FIG4: variants seen among roughly 807,000 people sequenced by gnomAD.
The protein encoded by FIG4 is polyphosphoinositide phosphatase.
Under a neutral mutation model 118.6 loss-of-function variants are expected in FIG4, and 112 were observed. The observed-to-expected ratio is 0.94, with a 90% CI of 0.81 to 1.11. FIG4 has a LOEUF of 1.11. Among genes scored for constraint, FIG4 ranks in the 50% least tolerant of loss-of-function variants. The probability of loss-of-function intolerance (pLI) is 0.00; values close to 1 mark genes in which losing one functional copy is unlikely to be tolerated. For synonymous variants in FIG4, 369 were observed against 381.2 expected (o/e 0.97, Z 0.37); for missense variants, 969 against 1,111.7 (o/e 0.87, Z 1.83).
intron 15 of FIG4, among the ~76,000 whole-genome samples, chr6:109,771,349 A>G (rs1225427285): frequency 1.3e-5 from 2 of 151,010 alleles, no homozygotes; most frequent in Admixed American, 6.6e-5. Context: ...CAAAATGACT[A>G]TTTCATAACT....
chr6:109,749,418 G>A (rs980983071), intron 10 of FIG4, among the ~76,000 whole-genome samples: 1 of 151,816 alleles, frequency 6.6e-6, no homozygotes, highest in African/African-American at 2.4e-5. Context: ...TTTAAAATAT[G>A]AAAACTTTAG....
At chr6:109,750,696 G>C (rs1343892995) in intron 10 of FIG4, among the ~76,000 whole-genome samples, 1 of 152,096 alleles carries the variant, frequency 6.6e-6, no homozygotes, top group Non-Finnish European at 1.5e-5. Context: ...TCCTTTACTT[G>C]TTAGGGGTCT....
rs1231141797 is a variant in FIG4 at position 109,691,428 on chromosome 6, C to T, written c.-8C>T. 1.9e-6 allele frequency: 3 copies of T among 1,573,108 alleles called. No individual in the cohort carries two copies. Among genetic ancestry groups the T allele is most frequent in the South Asian group, 1.2e-5 (1 of 85,780 alleles). The stretch of plus-strand genomic sequence containing the variant: ...TGCCCTGTTGTGGGGCCCCCATTTG[C>T]CGCCGCCATGCCCACGGCCGCCGCC... On this transcript the variant is annotated 5_prime_UTR_variant, in exon 1 of 23. Coordinates refer to ENST00000230124, the MANE Select transcript of FIG4 (RefSeq NM_014845.6).
Position 109,815,131 on chromosome 6 carries a change from T to G in FIG4, c.2547-9957T>G, listed in dbSNP as rs180778748. On this transcript the variant is annotated intron_variant, in intron 22 of 22. Transcript: ENST00000230124. ...GTTTATTCTAGCCTTCTCCAACAGT[T>G]AGGAAACTGGACTCCCATTACCCTC... Among the ~76,000 whole-genome samples the G allele has an allele frequency of 1.9e-3, 295 of 152,280 alleles. 1 individual carries two copies. The highest frequency in any genetic ancestry group is 6.9e-3 in the African/African-American group (285 of 41,550).
chr6:109,812,612 T>C lies in FIG4; in HGVS notation c.2547-12476T>C, dbSNP rs966193937. On this transcript the variant is annotated intron_variant, in intron 22 of 22. Transcript: ENST00000230124. ...GGCAGCAGTGTTGAATACAGAAAAA[T>C]GATTATTGGTTTAGGCAACAGGAAG... 1.9e-4 allele frequency among the ~76,000 whole-genome samples: 29 copies of C among 151,802 alleles called. 1 individual carries two copies. The highest frequency in any genetic ancestry group is 6.8e-4 in the African/African-American group (28 of 41,300).
intron 15 of FIG4, among the ~76,000 whole-genome samples, chr6:109,770,198 C>T (rs1033508846): frequency 3.9e-5 from 6 of 152,030 alleles, no homozygotes; most frequent in Non-Finnish European, 7.4e-5. Flanking sequence ...TTTTAATTCC[C>T]TTAAGGGCCT....
chr6:109,806,902 A>G (rs1005104299), intron 22 of FIG4, among the ~76,000 whole-genome samples: 2 of 152,100 alleles, frequency 1.3e-5, no homozygotes, highest in African/African-American at 4.8e-5. Flanking sequence ...GATTGTTTCC[A>G]GCATCATCCA....
intron 16 of FIG4, among the ~76,000 whole-genome samples, chr6:109,783,600 A>C (rs1777870258): frequency 6.6e-6 from 1 of 152,248 alleles, no homozygotes; most frequent in African/African-American, 2.4e-5. Flanking sequence ...AGTGTCTGAC[A>C]CATAGCAGGT....
chr6:109,746,439 G>A (rs189364385), intron 10 of FIG4, among the ~76,000 whole-genome samples: 25 of 152,104 alleles, frequency 1.6e-4, no homozygotes, highest in Non-Finnish European at 2.8e-4. Flanking sequence ...TGAAGGAAGA[G>A]GCATTAACCA....
At chr6:109,739,537 G>T (rs1357227003) in intron 7 of FIG4, among the ~76,000 whole-genome samples, 1 of 152,002 alleles carries the variant, frequency 6.6e-6, no homozygotes, top group Non-Finnish European at 1.5e-5. Flanking sequence ...ACATTTAAAA[G>T]AACCAAAAAA....
At chr6:109,694,279 TTC>T (rs1465293512) in intron 1 of FIG4, among the ~76,000 whole-genome samples, 1 of 152,150 alleles carries the variant, frequency 6.6e-6, no homozygotes, top group Non-Finnish European at 1.5e-5. Flanking sequence ...AAGCTTAGCG[TTC>T]CAATAACGGA....
At position 109,741,536 on chromosome 6, in the gene FIG4, A is replaced by G; in HGVS notation, c.868A>G (p.Asn290Asp). 1 of 1,600,696 alleles carries G rather than the reference A, an allele frequency of 6.2e-7. No homozygotes were observed. Among genetic ancestry groups the G allele is most frequent in the South Asian group, 1.1e-5 (1 of 90,838 alleles). ...AGTRFLKRGA[N>D]CEGDVANEVE... The stretch of plus-strand genomic sequence containing the variant: ...CACCCGTTTTCTTAAAAGAGGTGCA[A>G]ACTGTGAGGTAAGATGACAAACAGT... Residue 290 changes from asparagine (N) to aspartate (D), a missense_variant, in exon 8 of 23, where the codon AAC (asparagine) becomes GAC (aspartate). Asn to Asp is a conservative substitution (Grantham distance 23). Transcript: ENST00000230124.
intron 4 of FIG4, among the ~76,000 whole-genome samples, 186 bp from the exon 5 acceptor site, chr6:109,732,451 G>C (rs936594186): frequency 6.6e-6 from 1 of 152,144 alleles, no homozygotes; most frequent in South Asian, 2.1e-4. Flanking sequence ...TAAAGTTAAA[G>C]GTCTCCAAAG....
chr6:109,744,932 G>A (rs1273441904), intron 10 of FIG4, among the ~76,000 whole-genome samples: 4 of 151,880 alleles, frequency 2.6e-5, no homozygotes, highest in African/African-American at 9.7e-5. Context: ...GAGAATGATG[G>A]TTTCCAGCTT....
intron 1 of FIG4, 76 bp downstream of exon 1, chr6:109,691,577 G>T: frequency 1.6e-6 from 2 of 1,238,856 alleles, no homozygotes; most frequent in Non-Finnish European, 1.2e-6. Context: ...TAGGACAGAG[G>T]CTGTACTCTG....
chr6:109,748,427 T>A (rs1344526275), intron 10 of FIG4, among the ~76,000 whole-genome samples: 2 of 152,092 alleles, frequency 1.3e-5, no homozygotes, highest in South Asian at 2.1e-4. Context: ...AGTGGAGATG[T>A]CAGTGGATTG....
At chr6:109,823,979 C>T (rs770398717) in intron 22 of FIG4, among the ~76,000 whole-genome samples, 11 of 152,150 alleles carry the variant, frequency 7.2e-5, no homozygotes, top group Non-Finnish European at 1.3e-4. Context: ...TGGACATGCT[C>T]GTGTGCATGC....
At chr6:109,702,894 A>G (rs1030746771) in intron 1 of FIG4, among the ~76,000 whole-genome samples, 3 of 152,138 alleles carry the variant, frequency 2.0e-5, no homozygotes, top group Non-Finnish European at 4.4e-5. Flanking sequence ...TCTTGAAGCA[A>G]TGGCTTTAGT....
chr6:109,798,285 A>G (rs1226627290), intron 22 of FIG4, among the ~76,000 whole-genome samples: 1 of 152,196 alleles, frequency 6.6e-6, no homozygotes. Flanking sequence ...AGAGTGGGGA[A>G]CAAGAGGGTG....
Sources: gnomAD v4.1 joint callset for allele counts (sites outside exome capture counted in the v4.1 genomes callset) on GRCh38, gnomAD v4.1.1 for gene constraint, MANE v1.5 for transcripts, NCBI Gene and HGNC (gene_info 2026-07-23, HGNC 2026-07-21) for gene names.